B4GALT1: variants seen among roughly 807,000 people sequenced by gnomAD.
B4GALT1 encodes beta-1,4-galactosyltransferase 1, also known as N-acetyllactosamine synthase.
A neutral mutation model predicts 34.9 loss-of-function variants in B4GALT1; 16 were observed. That is an observed-to-expected ratio of 0.46 (90% CI 0.31 to 0.70). B4GALT1 has a LOEUF of 0.70. B4GALT1 is among the 30% of genes least tolerant of loss of function. The pLI, the probability that B4GALT1 is intolerant of heterozygous loss-of-function variation, is 0.05. For missense variants in B4GALT1, 445 were observed against 530.5 expected (o/e 0.84, Z 1.58); for synonymous variants, 221 against 218.1 (o/e 1.01, Z -0.12).
At chr9:33,126,978 T>C (rs1840120667) in intron 2 of B4GALT1, among the ~76,000 whole-genome samples, 1 of 151,798 alleles carries the variant, frequency 6.6e-6, no homozygotes, top group Non-Finnish European at 1.5e-5. Context: ...GTTTGTTTTT[T>C]TAAAATGGAG....
chr9:33,163,510 C>T (rs574791163), intron 1 of B4GALT1, among the ~76,000 whole-genome samples: 1 of 152,310 alleles, frequency 6.6e-6, no homozygotes, highest in South Asian at 2.1e-4. Context: ...CCATCCCAGG[C>T]CCCAGCTGAG....
chr9:33,132,180 G>C (rs1840202962), intron 2 of B4GALT1, among the ~76,000 whole-genome samples: 1 of 151,908 alleles, frequency 6.6e-6, no homozygotes. Context: ...ATATATGTTT[G>C]AAAAACCAAA....
At position 33,115,136 on chromosome 9, in the gene B4GALT1, C is replaced by T. The variant is rs117347168; in HGVS notation, c.959+855G>A. Among the ~76,000 whole-genome samples the T allele has an allele frequency of 5.5e-3, 840 of 152,346 alleles. 2 individuals are homozygous for T. The highest frequency in any genetic ancestry group is 9.7e-3 in the Non-Finnish European group (663 of 68,038). Reference sequence around the variant, plus strand: ...TTGATACCCCATCTACATACTAAAACTGGAGTTTCCTTCAAGGCTTATATT... The same window carrying T: ...TTGATACCCCATCTACATACTAAAATTGGAGTTTCCTTCAAGGCTTATATT... On this transcript the variant is annotated intron_variant, in intron 4 of 5. Transcript: ENST00000379731.
intron 1 of B4GALT1, among the ~76,000 whole-genome samples, chr9:33,145,367 T>C (rs553275874): frequency 9.9e-5 from 15 of 152,188 alleles, no homozygotes; most frequent in Non-Finnish European, 1.8e-4. Context: ...AATGTCACTA[T>C]TTCCTTGAGA....
chr9:33,182,010 A>G, the B4GALT1 span, among the ~76,000 whole-genome samples: 4 of 148,168 alleles, frequency 2.7e-5, no homozygotes, highest in African/African-American at 1.0e-4. Context: ...CCTTCCTAGT[A>G]GCTGGGACCA....
intron 2 of B4GALT1, among the ~76,000 whole-genome samples, chr9:33,133,044 A>G (rs930777565): frequency 1.2e-4 from 18 of 152,202 alleles, no homozygotes; most frequent in African/African-American, 3.9e-4. Flanking sequence ...CTGGGATTAC[A>G]GCCGCCCACC....
chr9:33,140,251 G>A lies in B4GALT1; in HGVS notation c.413-4827C>T, dbSNP rs1280590578. On this transcript the variant is annotated intron_variant, in intron 1 of 5. Transcript: ENST00000379731. The stretch of plus-strand genomic sequence containing the variant: ...TCTAGTCACTGTTTGTCAACTGATT[G>A]GCCAGTGGGTCGAAAGAAGCGTTGG... 1.3e-5 allele frequency among the ~76,000 whole-genome samples: 2 copies of A among 152,180 alleles called. 1 individual carries two copies. The highest frequency in any genetic ancestry group is 2.9e-5 in the Non-Finnish European group (2 of 68,032).
At chr9:33,127,907 C>G (rs1428579551) in intron 2 of B4GALT1, among the ~76,000 whole-genome samples, 1 of 152,224 alleles carries the variant, frequency 6.6e-6, no homozygotes, top group Non-Finnish European at 1.5e-5. Context: ...AGAGAGCCCA[C>G]AGAGGCCCTG....
At chr9:33,130,611 G>C (rs1840180772) in intron 2 of B4GALT1, among the ~76,000 whole-genome samples, 1 of 142,148 alleles carries the variant, frequency 7.0e-6, no homozygotes, top group African/African-American at 2.7e-5. Flanking sequence ...AAGCCAAATG[G>C]GAGTGGTTAA....
At chr9:33,176,248 CTT>C in the B4GALT1 span, among the ~76,000 whole-genome samples, 1 of 152,178 alleles carries the variant, frequency 6.6e-6, no homozygotes, top group Non-Finnish European at 1.5e-5. Flanking sequence ...CCGGTGTGCT[CTT>C]TTCATGTTGA....
chr9:33,119,439 G>A (rs564808754), intron 3 of B4GALT1, among the ~76,000 whole-genome samples: 22 of 152,150 alleles, frequency 1.4e-4, no homozygotes, highest in African/African-American at 2.4e-4. Flanking sequence ...GGCCAAGGGC[G>A]GGAGCAGTGG....
intron 2 of B4GALT1, 143 bp downstream of exon 2, chr9:33,135,046 G>C (rs1840246094): frequency 1.2e-6 from 1 of 823,398 alleles, no homozygotes; most frequent in Non-Finnish European, 2.0e-6. Flanking sequence ...ATCTGCACTG[G>C]TGGTGGCTGG....
At chr9:33,138,460 T>G (rs1439251019) in intron 1 of B4GALT1, among the ~76,000 whole-genome samples, 1 of 152,070 alleles carries the variant, frequency 6.6e-6, no homozygotes, top group Non-Finnish European at 1.5e-5. Context: ...GACAAATCCT[T>G]GCTCCCACCT....
At chr9:33,126,879 A>C (rs1840117521) in intron 2 of B4GALT1, among the ~76,000 whole-genome samples, 1 of 152,214 alleles carries the variant, frequency 6.6e-6, no homozygotes, top group African/African-American at 2.4e-5. Flanking sequence ...TTCAGAGAGA[A>C]CTGAGCTCCT....
intron 1 of B4GALT1, among the ~76,000 whole-genome samples, chr9:33,145,413 C>T (rs1331556754): frequency 1.3e-5 from 2 of 152,124 alleles, no homozygotes; most frequent in Admixed American, 1.3e-4. Context: ...ACATGGGTCA[C>T]AAAATCACCA....
At chr9:33,163,122 C>G (rs1392645063) in intron 1 of B4GALT1, among the ~76,000 whole-genome samples, 1 of 152,182 alleles carries the variant, frequency 6.6e-6, no homozygotes, top group Non-Finnish European at 1.5e-5. Context: ...TTTCCCAAGC[C>G]TCAAAGTACA....
At chr9:33,127,125 G>A (rs747464627) in intron 2 of B4GALT1, among the ~76,000 whole-genome samples, 25 of 152,104 alleles carry the variant, frequency 1.6e-4, no homozygotes, top group African/African-American at 5.8e-4. Flanking sequence ...CACCACGCCC[G>A]GCTAATTTTT....
intron 1 of B4GALT1, among the ~76,000 whole-genome samples, chr9:33,139,177 C>G (rs1214025629): frequency 1.3e-5 from 2 of 152,056 alleles, no homozygotes; most frequent in East Asian, 3.9e-4. Flanking sequence ...TGTGCCAGCC[C>G]AAGGAGGAGT....
At chr9:33,180,909 T>C in the B4GALT1 span, among the ~76,000 whole-genome samples, 1 of 152,206 alleles carries the variant, frequency 6.6e-6, no homozygotes. Flanking sequence ...TTTAAAAAAG[T>C]TCAATTTCCC....
Sources: gnomAD v4.1 joint callset for allele counts (sites outside exome capture counted in the v4.1 genomes callset) on GRCh38, gnomAD v4.1.1 for gene constraint, MANE v1.5 for transcripts, NCBI Gene and HGNC (gene_info 2026-07-23, HGNC 2026-07-21) for gene names.